Variants in PRKD1 observed in about 807,000 individuals in gnomAD.
PRKD1 encodes the protein protein kinase D1.
Under a neutral mutation model 95.9 loss-of-function variants are expected in PRKD1, and 63 were observed. The ratio of observed to expected loss-of-function variants is 0.66; its 90% CI spans 0.54 to 0.81. The LOEUF is 0.81. Among genes scored for constraint, PRKD1 ranks in the 30% least tolerant of loss-of-function variants. PRKD1 has a pLI of 0.00. For synonymous variants in PRKD1, 425 were observed against 423.1 expected (o/e 1.00, Z -0.05); for missense variants, 1,048 against 1,165.3 (o/e 0.90, Z 1.47).
At chr14:29,903,416 C>G (rs10131970) in intron 1 of PRKD1, among the ~76,000 whole-genome samples, 2,729 of 152,304 alleles carry the variant, frequency 0.018, 93 homozygotes, top group African/African-American at 0.062. Context: ...ATTATTCATA[C>G]AGGCTCTCTC....
chr14:29,675,629 G>C (rs1386102908), intron 2 of PRKD1, among the ~76,000 whole-genome samples: 1 of 152,094 alleles, frequency 6.6e-6, no homozygotes, highest in East Asian at 1.9e-4. Context: ...CCATTACTGG[G>C]TATATACCCA....
At chr14:29,925,790 A>G (rs193104296) in intron 1 of PRKD1, among the ~76,000 whole-genome samples, 1 of 152,336 alleles carries the variant, frequency 6.6e-6, no homozygotes, top group Admixed American at 6.5e-5. Flanking sequence ...TTGCTTTTTG[A>G]GAAATTTTGT....
intron 1 of PRKD1, among the ~76,000 whole-genome samples, chr14:29,833,679 T>C (rs1891501983): frequency 1.3e-5 from 2 of 152,232 alleles, no homozygotes; most frequent in South Asian, 2.1e-4. Flanking sequence ...AGAATATTTA[T>C]AATATAGTAT....
At chr14:29,907,677 G>C (rs1566665569) in intron 1 of PRKD1, among the ~76,000 whole-genome samples, 1 of 152,138 alleles carries the variant, frequency 6.6e-6, no homozygotes, top group Non-Finnish European at 1.5e-5. Flanking sequence ...GCAAGCAACT[G>C]TTTCTTTTGC....
chr14:29,692,383 C>T (rs1027277442), intron 2 of PRKD1, among the ~76,000 whole-genome samples: 1 of 152,068 alleles, frequency 6.6e-6, no homozygotes, highest in African/African-American at 2.4e-5. Flanking sequence ...ATTTTGTAAA[C>T]ATTTGACCTC....
At chr14:29,752,611 C>A (rs1887530024) in intron 1 of PRKD1, among the ~76,000 whole-genome samples, 1 of 150,472 alleles carries the variant, frequency 6.6e-6, no homozygotes, top group African/African-American at 2.4e-5. Flanking sequence ...ATGTTTGTAC[C>A]AATTAGAAAT....
chr14:29,670,283 G>T (rs980249428), intron 2 of PRKD1, among the ~76,000 whole-genome samples: 1 of 152,146 alleles, frequency 6.6e-6, no homozygotes, highest in Non-Finnish European at 1.5e-5. Context: ...AAATGAGGAT[G>T]ACAGGCCCAT....
At chr14:29,875,111 C>T (rs576143035) in intron 1 of PRKD1, among the ~76,000 whole-genome samples, 12 of 152,190 alleles carry the variant, frequency 7.9e-5, no homozygotes, top group African/African-American at 2.6e-4. Context: ...ATTCTTTATA[C>T]TTGTAAAGAT....
chr14:29,849,479 C>T (rs902552367), intron 1 of PRKD1, among the ~76,000 whole-genome samples: 3 of 151,954 alleles, frequency 2.0e-5, no homozygotes, highest in African/African-American at 7.3e-5. Context: ...TCAAAACAGA[C>T]ACCTTCCTAA....
chr14:29,611,754 A>AAAC (rs1481318715), intron 13 of PRKD1, among the ~76,000 whole-genome samples: 1 of 151,878 alleles, frequency 6.6e-6, no homozygotes, highest in Non-Finnish European at 1.5e-5. Context: ...ACCAAAAAAA[A>AAAC]AAAAAACAAA....
At chr14:29,901,975 T>C (rs1014466035) in intron 1 of PRKD1, among the ~76,000 whole-genome samples, 1 of 152,208 alleles carries the variant, frequency 6.6e-6, no homozygotes, top group African/African-American at 2.4e-5. Context: ...AAACTCAATA[T>C]ACATCTATAT....
intron 1 of PRKD1, among the ~76,000 whole-genome samples, chr14:29,913,029 T>C (rs1894774371): frequency 6.6e-6 from 1 of 152,248 alleles, no homozygotes; most frequent in African/African-American, 2.4e-5. Flanking sequence ...AAAAAGAGCA[T>C]TGAAACTACT....
At position 29,898,022 on chromosome 14, in the gene PRKD1, C is replaced by T. The variant is rs571801234; in HGVS notation, c.264+29227G>A. On this transcript the variant is annotated intron_variant, in intron 1 of 17. Transcript: ENST00000331968. ...AAAATAAGTTAAAAATTAAAAACAACGCATCCTAAAAATTACAAATTGTTT... is the reference window on the plus strand; with the variant it reads ...AAAATAAGTTAAAAATTAAAAACAATGCATCCTAAAAATTACAAATTGTTT... Among the ~76,000 whole-genome samples, 87 of 151,978 alleles carry T rather than the reference C, an allele frequency of 5.7e-4. No individual in the cohort carries two copies. The South Asian group carries it at 0.016, about 28-fold the overall frequency.
At chr14:29,661,637 C>T (rs1350178276) in intron 4 of PRKD1, among the ~76,000 whole-genome samples, 1 of 152,104 alleles carries the variant, frequency 6.6e-6, no homozygotes, top group East Asian at 1.9e-4. Context: ...GTAGGCACCC[C>T]ATAAGGACAC....
intron 1 of PRKD1, among the ~76,000 whole-genome samples, chr14:29,760,122 T>A (rs1328178542): frequency 6.6e-6 from 1 of 152,184 alleles, no homozygotes; most frequent in African/African-American, 2.4e-5. Context: ...ATAGCTCTTT[T>A]ATTTTTCCTT....
intron 13 of PRKD1, among the ~76,000 whole-genome samples, chr14:29,622,725 G>C (rs1181948997): frequency 6.6e-6 from 1 of 152,062 alleles, no homozygotes; most frequent in African/African-American, 2.4e-5. Flanking sequence ...TCTACCTCTC[G>C]AGTCAGTAGC....
intron 9 of PRKD1, 79 bp downstream of exon 9, chr14:29,632,790 T>C: frequency 7.6e-7 from 1 of 1,308,530 alleles, no homozygotes; most frequent in South Asian, 1.3e-5. Context: ...GTTGGATGTA[T>C]TTCCTATTTC....
intron 1 of PRKD1, among the ~76,000 whole-genome samples, chr14:29,782,872 T>C (rs1334719585): frequency 2.0e-5 from 3 of 152,206 alleles, no homozygotes; most frequent in Admixed American, 2.0e-4. Context: ...ACATATCTGA[T>C]GCAGAAATTT....
chr14:29,686,434 G>C (rs868129166), intron 2 of PRKD1, among the ~76,000 whole-genome samples: 1 of 152,148 alleles, frequency 6.6e-6, no homozygotes, highest in South Asian at 2.1e-4. Flanking sequence ...TGCTTCTTTA[G>C]CTATCATCTC....
Sources: gnomAD v4.1 joint callset for allele counts (sites outside exome capture counted in the v4.1 genomes callset) on GRCh38, gnomAD v4.1.1 for gene constraint, MANE v1.5 for transcripts, NCBI Gene and HGNC (gene_info 2026-07-23, HGNC 2026-07-21) for gene names.